Variants in DNER observed in about 807,000 individuals in gnomAD.
DNER encodes the protein delta/notch like EGF repeat containing.
In DNER, 33 loss-of-function variants were observed where a neutral mutation model predicts 78.2. The observed-to-expected ratio is 0.42, with a 90% CI of 0.32 to 0.56. The LOEUF is 0.56. DNER is among the 20% of genes least tolerant of loss of function. DNER has a pLI of 0.11. For synonymous variants in DNER, 417 were observed against 384.8 expected (o/e 1.08, Z -0.98); for missense variants, 918 against 975.3 (o/e 0.94, Z 0.78).
intron 7 of DNER, among the ~76,000 whole-genome samples, chr2:229,451,507 G>C (rs1387538023): frequency 6.6e-6 from 1 of 152,066 alleles, no homozygotes; most frequent in African/African-American, 2.4e-5. Flanking sequence ...AACATCCACT[G>C]GAGGCTGATT....
chr2:229,468,384 A>T (rs1267420013), intron 7 of DNER, among the ~76,000 whole-genome samples: 3 of 152,138 alleles, frequency 2.0e-5, no homozygotes, highest in Admixed American at 2.0e-4. Context: ...GTTCTTGGGG[A>T]TAACATCACT....
chr2:229,386,885 A>T (rs963664162), intron 11 of DNER, among the ~76,000 whole-genome samples: 1 of 152,216 alleles, frequency 6.6e-6, no homozygotes, highest in Non-Finnish European at 1.5e-5. Flanking sequence ...GTGGGAATGT[A>T]AATTTGTTCA....
At chr2:229,555,786 TA>T (rs68030461) in intron 4 of DNER, among the ~76,000 whole-genome samples, 28,641 of 146,318 alleles carry the variant, frequency 0.2, 3,175 homozygotes, top group African/African-American at 0.31. Flanking sequence ...TCCAGTTTAC[TA>T]AAAAAAAAAA....
intron 1 of DNER, among the ~76,000 whole-genome samples, chr2:229,664,692 G>C (rs1363656720): frequency 6.6e-6 from 1 of 152,054 alleles, no homozygotes; most frequent in Non-Finnish European, 1.5e-5. Flanking sequence ...CCTTAAGCTG[G>C]TAATCAGGGA....
chr2:229,453,401 G>C (rs996489946), intron 7 of DNER, among the ~76,000 whole-genome samples: 4 of 152,144 alleles, frequency 2.6e-5, no homozygotes, highest in African/African-American at 9.7e-5. Flanking sequence ...TTTTGCAGTT[G>C]TTCAATAGTC....
At chr2:229,487,869 G>A (rs1463878615) in intron 6 of DNER, among the ~76,000 whole-genome samples, 2 of 152,232 alleles carry the variant, frequency 1.3e-5, no homozygotes, top group African/African-American at 4.8e-5. Context: ...AGGCACATGT[G>A]CATGGCAGTG....
At chr2:229,526,402 G>C (rs553753044) in intron 5 of DNER, among the ~76,000 whole-genome samples, 18 of 152,310 alleles carry the variant, frequency 1.2e-4, no homozygotes, top group Admixed American at 9.8e-4. Flanking sequence ...CTAGGAAATT[G>C]AATTCAGGCC....
At chr2:229,423,811 A>G (rs1236194238) in intron 8 of DNER, among the ~76,000 whole-genome samples, 1 of 152,208 alleles carries the variant, frequency 6.6e-6, no homozygotes, top group Non-Finnish European at 1.5e-5. Context: ...ACTTCCTCAG[A>G]TAGTTTTCTG....
chr2:229,379,810 T>C (rs1692694170), intron 11 of DNER, among the ~76,000 whole-genome samples: 1 of 152,160 alleles, frequency 6.6e-6, no homozygotes, highest in Admixed American at 6.5e-5. Context: ...TGGAATCCTT[T>C]CCACCAGCAG....
At chr2:229,603,511 T>C (rs1261843837) in intron 1 of DNER, among the ~76,000 whole-genome samples, 7 of 152,230 alleles carry the variant, frequency 4.6e-5, no homozygotes, top group Admixed American at 4.6e-4. Flanking sequence ...TATAGCCTTA[T>C]ACAACAAGTA....
intron 5 of DNER, among the ~76,000 whole-genome samples, chr2:229,542,717 C>G (rs910785225): frequency 6.8e-6 from 1 of 146,306 alleles, no homozygotes; most frequent in Non-Finnish European, 1.5e-5. Context: ...AAAGCTACTT[C>G]TAAGACACTG....
intron 1 of DNER, among the ~76,000 whole-genome samples, chr2:229,641,045 C>G (rs1349712233): frequency 6.6e-6 from 1 of 152,062 alleles, no homozygotes; most frequent in Admixed American, 6.6e-5. Context: ...GAAAATAAAG[C>G]CTTAAAGGCC....
At chr2:229,703,357 G>A (rs1699779945) in intron 1 of DNER, among the ~76,000 whole-genome samples, 1 of 152,032 alleles carries the variant, frequency 6.6e-6, no homozygotes, top group Admixed American at 6.5e-5. Flanking sequence ...AAAAAAGAAC[G>A]AAAACTACCC....
rs189119287 is a variant in DNER, at chr2:229,498,490, A to T, written c.1147+14293T>A. ...ATGGAAGAAGTTAGACTGTTTGCTG[A>T]TGACATGACCTTATATATAGAAATT... On this transcript the variant is annotated intron_variant, in intron 6 of 12. Transcript: ENST00000341772. Among the ~76,000 whole-genome samples, 50 of 152,342 alleles carry T rather than the reference A, an allele frequency of 3.3e-4. No homozygotes were observed. In the East Asian group the frequency reaches 9.4e-3, roughly 29 times the overall value.
At chr2:229,585,117 G>A (rs1231700715) in intron 4 of DNER, among the ~76,000 whole-genome samples, 1 of 152,114 alleles carries the variant, frequency 6.6e-6, no homozygotes, top group East Asian at 1.9e-4. Flanking sequence ...TCACTGTGAG[G>A]TGCTGTGTTT....
At chr2:229,437,279 T>G (rs1311022075) in intron 8 of DNER, among the ~76,000 whole-genome samples, 1 of 152,232 alleles carries the variant, frequency 6.6e-6, no homozygotes, top group African/African-American at 2.4e-5. Context: ...AAGAAAAGGT[T>G]ATGTATCAAT....
Position 229,505,630 on chromosome 2 carries a change from A to G in DNER, c.1147+7153T>C, listed in dbSNP as rs369693663. 3.4e-3 allele frequency among the ~76,000 whole-genome samples: 517 copies of G among 152,314 alleles called. 5 individuals carry two copies. Among genetic ancestry groups the G allele is most frequent in the African/African-American group, 0.012 (503 of 41,568 alleles). ...AAATGAATTATTTTAAATTGCTACTATGGTTCTACGGCTGCCTTAAATTAT... is the reference window on the plus strand; with the variant it reads ...AAATGAATTATTTTAAATTGCTACTGTGGTTCTACGGCTGCCTTAAATTAT... On this transcript the variant is annotated intron_variant, in intron 6 of 12. Transcript: ENST00000341772.
intron 10 of DNER, among the ~76,000 whole-genome samples, chr2:229,395,067 GCAGA>G (rs1693104155): frequency 1.3e-5 from 2 of 152,138 alleles, no homozygotes; most frequent in Admixed American, 1.3e-4. Context: ...AGAGTTATAA[GCAGA>G]CAGATTCCTC....
At chr2:229,515,636 TTTATTTTTTTA>T (rs1330776146) in intron 5 of DNER, among the ~76,000 whole-genome samples, 2 of 90,574 alleles carry the variant, frequency 2.2e-5, no homozygotes, top group Non-Finnish European at 5.2e-5. Flanking sequence ...TCAAGTTAGC[TTTATTTTTTTA>T]TTTTTTTTTT....
Sources: allele counts gnomAD v4.1 joint callset (sites outside exome capture counted in the v4.1 genomes callset), GRCh38; gene constraint gnomAD v4.1.1; transcripts MANE v1.5; gene names NCBI Gene and HGNC (gene_info 2026-07-23, HGNC 2026-07-21).